SNTG2: variants seen among roughly 807,000 people sequenced by gnomAD.
The protein encoded by SNTG2 is syntrophin gamma 2, also known as gamma-2-syntrophin.
SNTG2 carries 74 observed loss-of-function variants against 70.9 expected under a neutral mutation model. The ratio of observed to expected loss-of-function variants is 1.04; its 90% CI spans 0.86 to 1.27. The LOEUF (loss-of-function observed/expected upper bound fraction) is 1.27, where lower values mean the gene tolerates loss of function less well. Ranked by LOEUF, SNTG2 falls within the 50% of genes most tolerant of loss-of-function variation. SNTG2 has a pLI of 0.00. For missense variants in SNTG2, 717 were observed against 690.7 expected (o/e 1.04, Z -0.43); for synonymous variants, 278 against 273.8 (o/e 1.02, Z -0.15).
chr2:1,270,920 A>G (rs1678986730), intron 14 of SNTG2, among the ~76,000 whole-genome samples: 1 of 152,184 alleles, frequency 6.6e-6, no homozygotes, highest in African/African-American at 2.4e-5. Context: ...TAGCGTGTTC[A>G]TTCCTTCTCT....
At chr2:1,257,954 T>G (rs13029737) in intron 12 of SNTG2, among the ~76,000 whole-genome samples, 44,595 of 150,732 alleles carry the variant, frequency 0.3, 7,179 homozygotes, top group African/African-American at 0.44. Context: ...GTTTAGTGGG[T>G]TTTTTTTCCC....
chr2:1,360,627 C>T (rs1372257023), intron 16 of SNTG2, among the ~76,000 whole-genome samples: 1 of 142,784 alleles, frequency 7.0e-6, no homozygotes, highest in Non-Finnish European at 1.5e-5. Context: ...TTTTTAATTT[C>T]CTTTTCTTAA....
At chr2:1,080,306 G>A (rs1283635744) in intron 1 of SNTG2, among the ~76,000 whole-genome samples, 1 of 152,210 alleles carries the variant, frequency 6.6e-6, no homozygotes, top group Non-Finnish European at 1.5e-5. Flanking sequence ...CACTCAGAGT[G>A]AGTGCGTCCT....
chr2:1,228,995 G>C (rs974880796), intron 9 of SNTG2, among the ~76,000 whole-genome samples: 1 of 152,114 alleles, frequency 6.6e-6, no homozygotes, highest in African/African-American at 2.4e-5. Context: ...TGGTGGGCTC[G>C]TGGTCTCTCT....
chr2:1,200,959 T>C (rs975637947), intron 8 of SNTG2, among the ~76,000 whole-genome samples: 33 of 152,098 alleles, frequency 2.2e-4, no homozygotes, highest in African/African-American at 7.9e-4. Context: ...AAATGTACGT[T>C]AGTACAACCA....
chr2:1,121,366 A>G (rs1476853003), intron 4 of SNTG2, among the ~76,000 whole-genome samples: 2 of 152,204 alleles, frequency 1.3e-5, no homozygotes, highest in Non-Finnish European at 2.9e-5. Context: ...AAAGTAAACC[A>G]AAAGTTTACA....
intron 1 of SNTG2, among the ~76,000 whole-genome samples, chr2:1,035,913 C>T (rs989136675): frequency 3.3e-5 from 5 of 152,094 alleles, no homozygotes; most frequent in African/African-American, 7.2e-5. Context: ...TTACACTGTC[C>T]GCCAATAATG....
intron 12 of SNTG2, 39 bp downstream of exon 12, chr2:1,247,482 GGGA>G (rs1401369882): frequency 7.1e-7 from 1 of 1,408,010 alleles, no homozygotes; most frequent in Admixed American, 1.7e-5. Context: ...AGGGGCTGCT[GGGA>G]GGGCTATTCC....
intron 1 of SNTG2, among the ~76,000 whole-genome samples, chr2:1,034,125 T>A (rs1660999630): frequency 2.6e-5 from 4 of 152,082 alleles, no homozygotes; most frequent in Admixed American, 6.6e-5. Context: ...TCTGATCTTC[T>A]CCCTCCTCTT....
chr2:968,739 G>A (rs1328939873), intron 1 of SNTG2, among the ~76,000 whole-genome samples: 1 of 152,018 alleles, frequency 6.6e-6, no homozygotes, highest in Non-Finnish European at 1.5e-5. Flanking sequence ...TTATTGATCT[G>A]TTGAAGTTAC....
rs1553307556 is a variant in SNTG2 at position 1,006,402 on chromosome 2, CAAAA to C, written c.72+55341_72+55344del. The stretch of plus-strand genomic sequence containing the variant: ...CCAGATATTAAATAAAGTAGAATTT[CAAAA>C]AAAAAAGAAAATTCTATTAATACGT... On this transcript the variant is annotated intron_variant, in intron 1 of 16. Coordinates refer to ENST00000308624, the MANE Select transcript of SNTG2 (RefSeq NM_018968.4). Among the ~76,000 whole-genome samples, 3 of 55,922 alleles carry C rather than the reference CAAAA, an allele frequency of 5.4e-5. No individual in the cohort carries two copies. The South Asian group carries it at 9.5e-4, about 18-fold the overall frequency. 36.7% of individuals were successfully genotyped at this position (55,922 alleles called of 152,430 possible).
chr2:955,774 G>T (rs1660119816), intron 1 of SNTG2, among the ~76,000 whole-genome samples: 1 of 152,226 alleles, frequency 6.6e-6, no homozygotes, highest in Non-Finnish European at 1.5e-5. Context: ...GCTGCCAGTT[G>T]TTCTGAACAA....
At chr2:1,226,141 C>A (rs1675761513) in intron 9 of SNTG2, among the ~76,000 whole-genome samples, 1 of 152,124 alleles carries the variant, frequency 6.6e-6, no homozygotes, top group Non-Finnish European at 1.5e-5. Flanking sequence ...TGGTTTATAA[C>A]CATTGATTTT....
intron 14 of SNTG2, among the ~76,000 whole-genome samples, chr2:1,293,507 CT>C (rs2148224526): frequency 6.6e-6 from 1 of 151,194 alleles, no homozygotes; most frequent in South Asian, 2.1e-4. Flanking sequence ...ATAAGTTTCC[CT>C]TTTGGCCCTA....
At chr2:1,030,896 T>C (rs1437078227) in intron 1 of SNTG2, among the ~76,000 whole-genome samples, 2 of 152,226 alleles carry the variant, frequency 1.3e-5, no homozygotes, top group Non-Finnish European at 2.9e-5. Flanking sequence ...TTCACTGATT[T>C]CCACTTTTAT....
At chr2:1,288,182 G>GT (rs1434169598) in intron 14 of SNTG2, among the ~76,000 whole-genome samples, 1 of 152,190 alleles carries the variant, frequency 6.6e-6, no homozygotes, top group Non-Finnish European at 1.5e-5. Context: ...CTCAGCAAGT[G>GT]TTTTTTGGGC....
At chr2:1,137,742 A>C in intron 5 of SNTG2, 26 bp from the exon 6 acceptor site, 2 of 1,613,742 alleles carry the variant, frequency 1.2e-6, no homozygotes, top group South Asian at 2.2e-5. Flanking sequence ...GTTATTCTCA[A>C]CATTCTTACT....
intron 6 of SNTG2, among the ~76,000 whole-genome samples, chr2:1,154,964 A>AC (rs60005756): frequency 0.026 from 3,943 of 149,250 alleles, 198 homozygotes; most frequent in African/African-American, 0.091. Context: ...CACCACACAC[A>AC]AAGACATATA....
intron 8 of SNTG2, among the ~76,000 whole-genome samples, chr2:1,180,752 T>G (rs1671826304): frequency 1.3e-5 from 2 of 151,676 alleles, no homozygotes; most frequent in South Asian, 4.2e-4. Context: ...CATGCTGCTA[T>G]AAAGACACAT....
Sources: allele counts gnomAD v4.1 joint callset (sites outside exome capture counted in the v4.1 genomes callset), GRCh38; gene constraint gnomAD v4.1.1; transcripts MANE v1.5; gene names NCBI Gene and HGNC (gene_info 2026-07-23, HGNC 2026-07-21).